Variants in ARHGAP20 observed in about 807,000 individuals in gnomAD.
ARHGAP20 encodes the protein rho GTPase-activating protein 20.
A neutral mutation model predicts 73.7 loss-of-function variants in ARHGAP20; 34 were observed. The ratio of observed to expected loss-of-function variants is 0.46; its 90% CI spans 0.35 to 0.61. ARHGAP20 has a LOEUF of 0.61. ARHGAP20 is among the 20% of genes least tolerant of loss of function. The pLI, the probability that ARHGAP20 is intolerant of heterozygous loss-of-function variation, is 0.00. For missense variants in ARHGAP20, 1,314 were observed against 1,420.9 expected, an observed-to-expected ratio of 0.92 and a Z score of 1.21; for synonymous variants, 523 against 518.2, an observed-to-expected ratio of 1.01 and a Z score of -0.13.
intron 2 of ARHGAP20, among the ~76,000 whole-genome samples, chr11:110,647,018 C>T (rs1949208787): frequency 6.6e-6 from 1 of 151,922 alleles, no homozygotes; most frequent in Non-Finnish European, 1.5e-5. Context: ...TTACTGGAGG[C>T]TTTTTGCAAT....
At chr11:110,584,933 ATATG>A (rs1947590752) in intron 12 of ARHGAP20, among the ~76,000 whole-genome samples, 1 of 141,804 alleles carries the variant, frequency 7.1e-6, no homozygotes, top group African/African-American at 2.5e-5. Flanking sequence ...ATATGTGAAT[ATATG>A]TGTATATGAA....
intron 9 of ARHGAP20, among the ~76,000 whole-genome samples, chr11:110,593,600 G>A (rs1325223848): frequency 2.0e-5 from 3 of 152,198 alleles, no homozygotes; most frequent in African/African-American, 4.8e-5. Context: ...GGTAATGGGG[G>A]TGACTAAAAG....
At position 110,597,440 on chromosome 11, in the gene ARHGAP20, A is replaced by T. The variant is rs1370871673; in HGVS notation, c.965-5285T>A. ...AATATATATGTGAATATGTATGTTG[A>T]GTACTTGTGCTCAGTCTTGGTTTGC... On this transcript the variant is annotated intron_variant, in intron 9 of 14. Coordinates refer to ENST00000683387, the MANE Select transcript of ARHGAP20 (RefSeq NM_001384657.1). 3.9e-5 allele frequency among the ~76,000 whole-genome samples: 6 copies of T among 152,138 alleles called. No homozygotes were observed. In the East Asian group the frequency reaches 7.7e-4, roughly 20 times the overall value.
At chr11:110,632,059 A>G (rs2134960953) in intron 2 of ARHGAP20, among the ~76,000 whole-genome samples, 1 of 152,346 alleles carries the variant, frequency 6.6e-6, no homozygotes, top group East Asian at 1.9e-4. Flanking sequence ...TATTCAATGT[A>G]TAAATATGCC....
intron 9 of ARHGAP20, among the ~76,000 whole-genome samples, chr11:110,604,000 AT>A (rs1254659066): frequency 6.6e-6 from 1 of 152,144 alleles, no homozygotes; most frequent in Admixed American, 6.5e-5. Context: ...CACTCATTAG[AT>A]TTGTATTACA....
At chr11:110,647,454 G>A (rs1591134725) in intron 2 of ARHGAP20, among the ~76,000 whole-genome samples, 1 of 152,222 alleles carries the variant, frequency 6.6e-6, no homozygotes, top group Admixed American at 6.5e-5. Context: ...CAACACTTCA[G>A]AAAGGTCTAG....
chr11:110,582,190 C>A (rs1045885141), intron 14 of ARHGAP20, 131 bp downstream of exon 14: 6 of 742,384 alleles, frequency 8.1e-6, no homozygotes, highest in Non-Finnish European at 1.4e-5. Flanking sequence ...AAGCCCTGGG[C>A]CCCATTGACC....
intron 2 of ARHGAP20, among the ~76,000 whole-genome samples, chr11:110,649,201 CTTTTTTTTTTTTTT>C (rs869156175): frequency 6.4e-4 from 56 of 87,096 alleles, no homozygotes; most frequent in Non-Finnish European, 1.9e-4. Context: ...ATTATTAAAC[CTTTTTTTTTTTTTT>C]TTTTTTTTTG....
chr11:110,588,053 C>G (rs1481320077), intron 11 of ARHGAP20, among the ~76,000 whole-genome samples: 2 of 152,180 alleles, frequency 1.3e-5, no homozygotes, highest in Non-Finnish European at 2.9e-5. Context: ...TACTTATGAT[C>G]TGTCTTGAAG....
intron 2 of ARHGAP20, among the ~76,000 whole-genome samples, chr11:110,645,256 G>A (rs566579319): frequency 7.9e-5 from 12 of 152,094 alleles, no homozygotes; most frequent in African/African-American, 2.6e-4. Flanking sequence ...TCATCTGCCC[G>A]CCTCAGCCTC....
At chr11:110,700,180 G>A (rs975783669) in intron 1 of ARHGAP20, among the ~76,000 whole-genome samples, 1 of 151,916 alleles carries the variant, frequency 6.6e-6, no homozygotes, top group Non-Finnish European at 1.5e-5. Flanking sequence ...AAAGATTAAA[G>A]TTGGAGGTGA....
intron 6 of ARHGAP20, among the ~76,000 whole-genome samples, chr11:110,613,784 C>T (rs1161290453): frequency 6.6e-6 from 1 of 152,104 alleles, no homozygotes; most frequent in Admixed American, 6.6e-5. Flanking sequence ...ATAACTTTTG[C>T]TTTTGCCCAA....
At chr11:110,639,855 G>T (rs1949044847) in intron 2 of ARHGAP20, among the ~76,000 whole-genome samples, 1 of 151,990 alleles carries the variant, frequency 6.6e-6, no homozygotes, top group Non-Finnish European at 1.5e-5. Context: ...CATTTGGGTT[G>T]TTTCCACCTT....
intron 11 of ARHGAP20, among the ~76,000 whole-genome samples, chr11:110,590,424 A>AAATTT (rs1947797056): frequency 6.6e-6 from 1 of 152,178 alleles, no homozygotes; most frequent in Admixed American, 6.5e-5. Context: ...TGTAGGATAA[A>AAATTT]AATTTAAAAA....
intron 12 of ARHGAP20, among the ~76,000 whole-genome samples, chr11:110,584,580 A>G (rs1317978661): frequency 6.6e-6 from 1 of 152,102 alleles, no homozygotes; most frequent in Admixed American, 6.6e-5. Context: ...AGAACAAAAG[A>G]TTACTGGGTG....
chr11:110,699,071 A>G (rs966003953), intron 1 of ARHGAP20, among the ~76,000 whole-genome samples: 6 of 151,766 alleles, frequency 4.0e-5, no homozygotes, highest in Non-Finnish European at 7.4e-5. Flanking sequence ...CTTTCCTCTT[A>G]GTTCTACTTT....
chr11:110,587,036 A>G (rs1364734110), intron 11 of ARHGAP20, among the ~76,000 whole-genome samples: 1 of 152,220 alleles, frequency 6.6e-6, no homozygotes, highest in Non-Finnish European at 1.5e-5. Context: ...AGGAGACCCT[A>G]TTCTACTGAG....
rs756855502 is a variant in ARHGAP20 at position 110,579,732 on chromosome 11, C to T, written c.3214G>A (p.Glu1072Lys). ...EKIASPKGPL[E>K]PPPHASGVPE... is the part of the protein sequence containing the mutation. ...ACACCAGAAGCATGTGGGGGTGGCT[C>T]TAAGGGTCCTTTTGGAGAAGCTATT... Residue 1072 changes from glutamate (E) to lysine (K), a missense_variant, in exon 15 of 15, where the codon GAG (glutamate) becomes AAG (lysine). By Grantham distance (56) the Glu-to-Lys change is moderately conservative (BLOSUM62 1). Around this residue, in one of 3 missense-constraint regions of ARHGAP20, gnomAD observed 641 missense variants for 636.9 expected, o/e 1.01. Coordinates refer to ENST00000683387, the MANE Select transcript of ARHGAP20 (RefSeq NM_001384657.1). 6.2e-7 allele frequency: 1 copy of T among 1,614,024 alleles called. No homozygotes were observed. Among genetic ancestry groups the T allele is most frequent in the South Asian group, 1.1e-5 (1 of 91,082 alleles).
chr11:110,663,774 T>C (rs1755446315), intron 2 of ARHGAP20, among the ~76,000 whole-genome samples: 1 of 152,128 alleles, frequency 6.6e-6, no homozygotes, highest in Admixed American at 6.6e-5. Flanking sequence ...TACCCTGTTA[T>C]CAGAGCCAAA....
Sources: allele counts gnomAD v4.1 joint callset (sites outside exome capture counted in the v4.1 genomes callset), GRCh38; gene constraint gnomAD v4.1.1; regional missense constraint gnomAD v4.1.1; transcripts MANE v1.5; gene names NCBI Gene and HGNC (gene_info 2026-07-23, HGNC 2026-07-21).